Variants in UBAP1L observed in about 807,000 individuals in gnomAD.
The protein encoded by UBAP1L is ubiquitin-associated protein 1-like.
Under a neutral mutation model 32.1 loss-of-function variants are expected in UBAP1L, and 32 were observed. That is an observed-to-expected ratio of 1.00 (90% confidence interval 0.75 to 1.34). The LOEUF (loss-of-function observed/expected upper bound fraction) is 1.34. Ranked by LOEUF, UBAP1L falls within the 40% of genes most tolerant of loss-of-function variation. The pLI is 0.00. For synonymous variants in UBAP1L, 243 were observed against 250.2 expected (o/e 0.97, Z 0.27); for missense variants, 516 against 540.5 (o/e 0.95, Z 0.45).
intron 2 of UBAP1L, chr15:65,105,583 C>A: frequency 1.7e-6 from 1 of 594,186 alleles, no homozygotes; most frequent in South Asian, 1.5e-5. Flanking sequence ...TCATGCAAAT[C>A]AAGAGGTTCA....
At chr15:65,110,183 A>AC (rs2087358749) in intron 1 of UBAP1L, among the ~76,000 whole-genome samples, 1 of 151,810 alleles carries the variant, frequency 6.6e-6, no homozygotes, top group Non-Finnish European at 1.5e-5. Flanking sequence ...ACATGGTGAA[A>AC]CCCCGTCCCT....
At chr15:65,111,297 T>C (rs1305165286) in intron 1 of UBAP1L, among the ~76,000 whole-genome samples, 2 of 152,182 alleles carry the variant, frequency 1.3e-5, no homozygotes, top group African/African-American at 4.8e-5. Context: ...TATTCACATT[T>C]TCAGGTATCA....
intron 1 of UBAP1L, among the ~76,000 whole-genome samples, chr15:65,110,079 G>A (rs555350820): frequency 2.6e-5 from 4 of 152,220 alleles, no homozygotes; most frequent in South Asian, 2.1e-4. Flanking sequence ...GAACAAAATC[G>A]GCCGGGCGCG....
intron 1 of UBAP1L, among the ~76,000 whole-genome samples, chr15:65,110,817 CAG>C (rs1477461949): frequency 6.6e-6 from 1 of 152,030 alleles, no homozygotes; most frequent in Non-Finnish European, 1.5e-5. Context: ...TGCAAACAAT[CAG>C]GGATTATCAG....
At position 65,099,635 on chromosome 15, in the gene UBAP1L, G is replaced by A; in HGVS notation, c.779C>T (p.Thr260Ile). Reference sequence around the variant, plus strand: ...CAGGGCGGACAGCAGGTCAGCCGCAGTATCAGGGTGTGACTTGTGGGGGTT... The same window carrying A: ...CAGGGCGGACAGCAGGTCAGCCGCAATATCAGGGTGTGACTTGTGGGGGTT... ...PLNPHKSHPD[T>I]AADLLSALSQ... is the part of the protein sequence containing the mutation. The change falls in exon 4 of 6, where the codon ACT becomes ATT. Residue 260 changes from threonine (T) to isoleucine (I), a missense_variant. Transcript: ENST00000559089. The A allele has an allele frequency of 6.4e-7, 1 of 1,551,708 alleles. No individual in the cohort carries two copies. Among genetic ancestry groups the A allele is most frequent in the South Asian group, 1.2e-5 (1 of 84,066 alleles).
chr15:65,093,311 C>T (rs2087139036), intron 5 of UBAP1L, 80 bp from the exon 6 acceptor site: 2 of 1,429,714 alleles, frequency 1.4e-6, no homozygotes, highest in African/African-American at 2.9e-5. Context: ...GCTCCAGTGC[C>T]TACTGCACCT....
At chr15:65,104,648 G>A (rs185037629) in intron 2 of UBAP1L, among the ~76,000 whole-genome samples, 7 of 152,346 alleles carry the variant, frequency 4.6e-5, no homozygotes, top group South Asian at 2.1e-4. Flanking sequence ...GGCCGAGGCC[G>A]GAGGATTGCT....
intron 1 of UBAP1L, among the ~76,000 whole-genome samples, chr15:65,108,216 T>C (rs1317139103): frequency 1.3e-5 from 2 of 151,962 alleles, no homozygotes; most frequent in African/African-American, 2.4e-5. Context: ...ATTGGCTCTG[T>C]AGAGTAGCTG....
chr15:65,093,335 T>G (rs185803566), intron 5 of UBAP1L, 104 bp from the exon 6 acceptor site: 1 of 1,380,056 alleles, frequency 7.2e-7, no homozygotes, highest in African/African-American at 1.5e-5. Flanking sequence ...CCCAAAAAGC[T>G]GTGGCTACCC....
In UBAP1L at chr15:65,106,371, A is replaced by G; in HGVS notation, c.-156T>C. 1.2e-6 allele frequency: 1 copy of G among 811,008 alleles called. No individual in the cohort carries two copies. The highest frequency in any genetic ancestry group is 3.1e-5 in the East Asian group (1 of 31,882). 50.2% of individuals were successfully genotyped at this position (811,008 alleles called of 1,614,324 possible). ...TGAGCCCCAAACAGCTGGAAAGGAA[A>G]AGGTGAGGGGGCCAGTGCTGCATAA... On this transcript the variant is annotated 5_prime_UTR_variant, in exon 2 of 6. Transcript: ENST00000559089.
At chr15:65,098,907 C>T (rs1045199957) in intron 4 of UBAP1L, 1 of 152,298 alleles carries the variant, frequency 6.6e-6, no homozygotes, top group Non-Finnish European at 1.5e-5. Flanking sequence ...AACACTCATA[C>T]CACTTCTTCT....
In UBAP1L at chr15:65,102,783, C is replaced by G. The variant is rs1379769841; in HGVS notation, c.121-99G>C. 4.4e-6 allele frequency: 5 copies of G among 1,142,180 alleles called. No individual in the cohort carries two copies. The highest frequency in any genetic ancestry group is 6.0e-6 in the Non-Finnish European group (5 of 826,920). 70.8% of individuals were successfully genotyped at this position (1,142,180 alleles called of 1,614,324 possible). A position where few individuals can be genotyped will look rare whatever the true frequency, so the allele number is the denominator to read the frequency against. ...GGGACCCTGTTCAGCCAGAGACTCT[C>G]TAAGCCTGGACAGCGTCAGATTCTG... is the stretch of plus-strand genomic sequence containing the variant. On this transcript the variant is annotated intron_variant, in intron 2 of 5. Transcript: ENST00000559089. This position sits in a 1 kb window ranked among gnomAD's most constrained non-coding sequence, Gnocchi z 5.0.
rs774149546 is a variant in UBAP1L, at chr15:65,099,603, C to T, written c.811G>A (p.Glu271Lys). The change falls in exon 4 of 6, where the codon GAG becomes AAG. Residue 271 changes from glutamate to lysine, a missense_variant. Physicochemically the swap from Glu to Lys is moderately conservative, Grantham distance 56 (BLOSUM62 1). Transcript: ENST00000559089. Reference sequence around the variant, plus strand: ...ACTGGCCCAATGAGGTCTTGCTCCTCCTGGCTCAGGGCGGACAGCAGGTCA... The same window carrying T: ...ACTGGCCCAATGAGGTCTTGCTCCTTCTGGCTCAGGGCGGACAGCAGGTCA... ...AADLLSALSQ[E>K]EQDLIGPVVA... 3 of 1,551,680 alleles carry T rather than the reference C, an allele frequency of 1.9e-6. No homozygotes were observed. Among genetic ancestry groups the T allele is most frequent in the East Asian group, 2.4e-5 (1 of 40,924 alleles).
In UBAP1L at chr15:65,102,265, G is replaced by A; in HGVS notation, c.540C>T (p.Gly180=). 1 of 1,317,582 alleles carries A rather than the reference G, an allele frequency of 7.6e-7. No homozygotes were observed. Among genetic ancestry groups the A allele is most frequent in the Non-Finnish European group, 9.6e-7 (1 of 1,038,038 alleles). 81.6% of individuals were successfully genotyped at this position (1,317,582 alleles called of 1,614,324 possible). A position where few individuals can be genotyped will look rare whatever the true frequency, so the allele number is the denominator to read the frequency against. ...RPRALLHGLR[G]HRALSLCPSP... ...TCGGGCACAGGCTCAGCGCGCGGTG[G>A]CCGCGGAGGCCATGCAGGAGGGCGC... The change falls in exon 3 of 6, where the codon GGC becomes GGT. Residue 180 remains glycine, a synonymous_variant. Transcript: ENST00000559089. This position sits in a 1 kb window ranked among gnomAD's most constrained non-coding sequence, Gnocchi z 5.0.
At chr15:65,096,707 A>G (rs2087178114) in intron 4 of UBAP1L, 1 of 152,322 alleles carries the variant, frequency 6.6e-6, no homozygotes, top group Admixed American at 6.5e-5. Context: ...ACTGAGGCTA[A>G]AAGAGGGGGC....
chr15:65,110,698 A>AG (rs899261439), intron 1 of UBAP1L, among the ~76,000 whole-genome samples: 53 of 150,874 alleles, frequency 3.5e-4, no homozygotes, highest in South Asian at 3.1e-3. Flanking sequence ...AAAAAAAAAA[A>AG]AAAAGAAAAG....
At chr15:65,099,412 T>G (rs2087213553) in intron 4 of UBAP1L, 93 bp downstream of exon 4, 7 of 1,336,764 alleles carry the variant, frequency 5.2e-6, no homozygotes, top group Non-Finnish European at 6.1e-6. Flanking sequence ...ATGCTGTTGT[T>G]GGGCCTATGT....
chr15:65,108,284 A>C (rs1015348387), intron 1 of UBAP1L, among the ~76,000 whole-genome samples: 3 of 150,502 alleles, frequency 2.0e-5, no homozygotes, highest in Non-Finnish European at 4.4e-5. Context: ...CATCTGGGGA[A>C]AAAAAAAAAC....
At chr15:65,104,895 T>C in intron 2 of UBAP1L, 1 of 400,574 alleles carries the variant, frequency 2.5e-6, no homozygotes, top group South Asian at 1.8e-5. Flanking sequence ...TAATCCCAGC[T>C]ACTCGGGAGA....
Sources: gnomAD v4.1 joint callset for allele counts (sites outside exome capture counted in the v4.1 genomes callset) on GRCh38, gnomAD v4.1.1 for gene constraint, Gnocchi (gnomAD v3.1) non-coding constraint, MANE v1.5 for transcripts, NCBI Gene and HGNC (gene_info 2026-07-23, HGNC 2026-07-21) for gene names.